The following LRRC7 variants were observed in gnomAD, a reference collection of about 807,000 sequenced individuals.
LRRC7 encodes the protein leucine rich repeat containing 7.
In LRRC7, 23 loss-of-function variants were observed where a neutral mutation model predicts 175.7. The ratio of observed to expected loss-of-function variants is 0.13; its 90% CI spans 0.09 to 0.19. The LOEUF is 0.19. Among genes scored for constraint, LRRC7 ranks in the 10% least tolerant of loss-of-function variants. The pLI, the probability that LRRC7 is intolerant of heterozygous loss-of-function variation, is 1.00. For missense variants in LRRC7, 1,354 were observed against 1,904.7 expected, an observed-to-expected ratio of 0.71 and a Z score of 5.38; for synonymous variants, 685 against 680.9, an observed-to-expected ratio of 1.01 and a Z score of -0.09.
chr1:69,974,106 A>G (rs1652566435), intron 8 of LRRC7, among the ~76,000 whole-genome samples: 1 of 152,062 alleles, frequency 6.6e-6, no homozygotes, highest in Non-Finnish European at 1.5e-5. Context: ...GTGTAAATTG[A>G]TTTGTGCTAT....
intron 2 of LRRC7, among the ~76,000 whole-genome samples, chr1:69,729,155 CAT>C (rs562956562): frequency 7.5e-4 from 114 of 152,284 alleles, no homozygotes; most frequent in South Asian, 5.4e-3. Context: ...CCTTCCAAAA[CAT>C]GTGGGGATTA....
chr1:69,780,818 G>A (rs1430253420), intron 3 of LRRC7, among the ~76,000 whole-genome samples: 2 of 152,172 alleles, frequency 1.3e-5, no homozygotes, highest in African/African-American at 4.8e-5. Context: ...CAACTCACTA[G>A]ACAACCATTT....
intron 8 of LRRC7, among the ~76,000 whole-genome samples, chr1:69,963,454 T>TGA (rs1051470060): frequency 1.3e-4 from 20 of 152,202 alleles, no homozygotes; most frequent in Non-Finnish European, 8.8e-5. Flanking sequence ...GCCCAAGAAG[T>TGA]AAGCAAGGGT....
intron 2 of LRRC7, among the ~76,000 whole-genome samples, chr1:69,705,030 A>T (rs1029125730): frequency 2.0e-5 from 3 of 152,120 alleles, no homozygotes; most frequent in Non-Finnish European, 4.4e-5. Flanking sequence ...TCCTACATTA[A>T]ACCCAAAATT....
rs371981243 is a variant in LRRC7 at position 69,886,136 on chromosome 1, G to C, written c.648-45371G>C. Among the ~76,000 whole-genome samples the C allele has an allele frequency of 2.3e-3, 350 of 150,958 alleles. 1 individual carries two copies. Among genetic ancestry groups the C allele is most frequent in the Non-Finnish European group, 3.1e-3 (211 of 67,618 alleles). On this transcript the variant is annotated intron_variant, in intron 7 of 26. Coordinates refer to ENST00000651989, the MANE Select transcript of LRRC7 (RefSeq NM_001370785.2). ...GTTCTGTAGATGTCTATTAGGTCCG[G>C]TTGGTGCAGAGCTGAGTTCAATTCC...
At chr1:70,118,822 G>C (rs1394077336) in intron 26 of LRRC7, among the ~76,000 whole-genome samples, 1 of 151,980 alleles carries the variant, frequency 6.6e-6, no homozygotes, top group Non-Finnish European at 1.5e-5. Context: ...CAAGTAAGCT[G>C]GTTCACTGGA....
chr1:69,622,215 T>A (rs1331209411), intron 1 of LRRC7, among the ~76,000 whole-genome samples: 1 of 152,202 alleles, frequency 6.6e-6, no homozygotes, highest in Non-Finnish European at 1.5e-5. Context: ...ATTCTGAATT[T>A]TAACATCGTA....
At chr1:69,630,766 T>C (rs1209941137) in intron 1 of LRRC7, among the ~76,000 whole-genome samples, 2 of 152,042 alleles carry the variant, frequency 1.3e-5, no homozygotes, top group Admixed American at 6.5e-5. Flanking sequence ...ATTTTTTTCT[T>C]TTTTAATTGC....
At chr1:70,026,032 A>G (rs1179483023) in intron 17 of LRRC7, among the ~76,000 whole-genome samples, 1 of 152,146 alleles carries the variant, frequency 6.6e-6, no homozygotes, top group Non-Finnish European at 1.5e-5. Context: ...GCTTGCTTAT[A>G]AAATAACCAG....
intron 8 of LRRC7, among the ~76,000 whole-genome samples, chr1:69,965,855 G>A (rs553332163): frequency 2.1e-3 from 312 of 152,166 alleles, no homozygotes; most frequent in Non-Finnish European, 2.8e-3. Context: ...ATCTAATTTC[G>A]TGTATCAGAA....
chr1:69,994,151 A>T (rs1457719012), intron 10 of LRRC7, among the ~76,000 whole-genome samples: 1 of 152,118 alleles, frequency 6.6e-6, no homozygotes, highest in Non-Finnish European at 1.5e-5. Flanking sequence ...CTTAATTCAG[A>T]TTTGTTTTCA....
chr1:69,719,557 G>T (rs1027520472), intron 2 of LRRC7, among the ~76,000 whole-genome samples: 2 of 151,518 alleles, frequency 1.3e-5, no homozygotes, highest in Middle Eastern at 3.4e-3. Context: ...TCTTGACCTA[G>T]CATTATAGAC....
At chr1:69,724,183 C>A (rs183641895) in intron 2 of LRRC7, among the ~76,000 whole-genome samples, 163 of 152,246 alleles carry the variant, frequency 1.1e-3, no homozygotes, top group African/African-American at 3.6e-3. Flanking sequence ...TTGTACTCAT[C>A]TCTTAATATT....
intron 1 of LRRC7, among the ~76,000 whole-genome samples, chr1:69,584,278 T>C (rs1217152620): frequency 1.3e-5 from 2 of 151,928 alleles, no homozygotes; most frequent in Non-Finnish European, 2.9e-5. Flanking sequence ...GGGTCTTCTA[T>C]TCTAGAAGAC....
At chr1:70,075,888 G>C (rs1271315728) in intron 23 of LRRC7, among the ~76,000 whole-genome samples, 189 bp from the exon 24 acceptor site, 1 of 152,142 alleles carries the variant, frequency 6.6e-6, no homozygotes, top group Non-Finnish European at 1.5e-5. Flanking sequence ...ATGTGACCTT[G>C]CTCCAATATT....
intron 2 of LRRC7, among the ~76,000 whole-genome samples, chr1:69,757,990 T>C (rs1670620969): frequency 6.6e-6 from 1 of 152,004 alleles, no homozygotes; most frequent in African/African-American, 2.4e-5. Context: ...ATCTTCCCAA[T>C]CCATCACTTC....
intron 9 of LRRC7, 39 bp downstream of exon 9, chr1:69,980,492 G>T: frequency 7.0e-7 from 1 of 1,425,872 alleles, no homozygotes. Context: ...TTTAATATTT[G>T]TTATACGTTT....
chr1:70,056,504 T>C (rs193094284), intron 23 of LRRC7, among the ~76,000 whole-genome samples: 4 of 152,296 alleles, frequency 2.6e-5, no homozygotes, highest in Admixed American at 2.6e-4. Flanking sequence ...CACTCTGCCC[T>C]CACGCTGTTG....
chr1:69,886,274 G>C (rs918126420), intron 7 of LRRC7, among the ~76,000 whole-genome samples: 1 of 151,792 alleles, frequency 6.6e-6, no homozygotes, highest in African/African-American at 2.4e-5. Flanking sequence ...AGGTCACTCA[G>C]GACTTGCTTT....
Sources: gnomAD v4.1 joint callset for allele counts (sites outside exome capture counted in the v4.1 genomes callset) on GRCh38, gnomAD v4.1.1 for gene constraint, MANE v1.5 for transcripts, NCBI Gene and HGNC (gene_info 2026-07-23, HGNC 2026-07-21) for gene names.